Variants in STX8 observed in about 807,000 individuals in gnomAD.
STX8 encodes syntaxin 8.
Under a neutral mutation model 37.5 loss-of-function variants are expected in STX8, and 23 were observed. The observed-to-expected ratio is 0.61, with a 90% CI of 0.44 to 0.87. The LOEUF (loss-of-function observed/expected upper bound fraction) is 0.87, where lower values mean the gene tolerates loss of function less well. STX8 is among the 40% of genes least tolerant of loss of function. The pLI, the probability that STX8 is intolerant of heterozygous loss-of-function variation, is 0.00. For missense variants in STX8, 313 were observed against 284.7 expected (o/e 1.10, Z -0.71); for synonymous variants, 115 against 99.1 (o/e 1.16, Z -0.95).
chr17:9,448,886 T>G (rs1468731456), intron 6 of STX8, among the ~76,000 whole-genome samples: 2 of 152,120 alleles, frequency 1.3e-5, no homozygotes, highest in Non-Finnish European at 2.9e-5. Flanking sequence ...AAGACAGATG[T>G]TTTTGCTTTT....
At chr17:9,433,550 T>C (rs1359866457) in intron 6 of STX8, among the ~76,000 whole-genome samples, 3 of 152,222 alleles carry the variant, frequency 2.0e-5, no homozygotes, top group Non-Finnish European at 4.4e-5. Flanking sequence ...ATTGTGATGA[T>C]GGTTTCATGG....
intron 6 of STX8, among the ~76,000 whole-genome samples, chr17:9,461,684 T>A (rs1358243395): frequency 6.6e-6 from 1 of 152,046 alleles, no homozygotes. Context: ...CATGGACTAG[T>A]GGGTGGGGGG....
chr17:9,388,413 C>T (rs1486547105), intron 6 of STX8, among the ~76,000 whole-genome samples: 4 of 151,688 alleles, frequency 2.6e-5, no homozygotes, highest in Non-Finnish European at 4.4e-5. Flanking sequence ...TATTCAATAG[C>T]AGTTTATAAA....
chr17:9,458,249 A>G (rs970339490), intron 6 of STX8, among the ~76,000 whole-genome samples: 2 of 152,040 alleles, frequency 1.3e-5, no homozygotes, highest in Non-Finnish European at 2.9e-5. Flanking sequence ...TCCTGGGCTC[A>G]CGCCATTCTC....
intron 6 of STX8, among the ~76,000 whole-genome samples, chr17:9,406,086 G>C (rs1485625808): frequency 6.6e-6 from 1 of 152,178 alleles, no homozygotes; most frequent in Non-Finnish European, 1.5e-5. Context: ...ACGGCTTCAT[G>C]TATTTCCTTT....
chr17:9,446,859 G>A (rs7219473), intron 6 of STX8, among the ~76,000 whole-genome samples: 106,285 of 152,084 alleles, frequency 0.7, 37,197 homozygotes, highest in Middle Eastern at 0.79. Flanking sequence ...TTGTAACAAT[G>A]TATGAAGAGA....
At chr17:9,402,372 C>T (rs917581283) in intron 6 of STX8, among the ~76,000 whole-genome samples, 6 of 152,128 alleles carry the variant, frequency 3.9e-5, no homozygotes, top group African/African-American at 1.4e-4. Flanking sequence ...CTGCCCGCCT[C>T]GGCCTCCCAA....
chr17:9,398,577 T>C (rs929617181), intron 6 of STX8, among the ~76,000 whole-genome samples: 10 of 152,174 alleles, frequency 6.6e-5, no homozygotes, highest in African/African-American at 2.4e-4. Flanking sequence ...TGATAATATA[T>C]CAATATCGGC....
At chr17:9,395,538 A>C (rs1309127464) in intron 6 of STX8, among the ~76,000 whole-genome samples, 1 of 152,198 alleles carries the variant, frequency 6.6e-6, no homozygotes, top group Non-Finnish European at 1.5e-5. Flanking sequence ...AGATCGCACC[A>C]CTGCACTCCA....
chr17:9,311,253 AGAG>A (rs1258784392), intron 7 of STX8, among the ~76,000 whole-genome samples: 11 of 151,478 alleles, frequency 7.3e-5, no homozygotes, highest in South Asian at 2.1e-4. Context: ...AAAAAAAAAA[AGAG>A]GAGAAGTCAG....
At chr17:9,316,886 G>T (rs1909399668) in intron 7 of STX8, among the ~76,000 whole-genome samples, 1 of 152,160 alleles carries the variant, frequency 6.6e-6, no homozygotes, top group South Asian at 2.1e-4. Flanking sequence ...TTAAATTACA[G>T]GACATCTAAT....
intron 6 of STX8, among the ~76,000 whole-genome samples, chr17:9,379,824 C>T (rs988326173): frequency 4.6e-5 from 7 of 151,950 alleles, no homozygotes; most frequent in Non-Finnish European, 1.0e-4. Context: ...CAAAATTAAT[C>T]GGTCATGGTG....
chr17:9,517,788 T>TAAAAAAAAAAAAA, intron 4 of STX8, among the ~76,000 whole-genome samples: 1 of 98,734 alleles, frequency 1.0e-5, no homozygotes, highest in Middle Eastern at 5.6e-3. Context: ...ACCCCTATTG[T>TAAAAAAAAAAAAA]AAAAAAAAAA....
At chr17:9,341,029 A>AT (rs1910339450) in intron 7 of STX8, among the ~76,000 whole-genome samples, 1 of 148,102 alleles carries the variant, frequency 6.8e-6, no homozygotes, top group Non-Finnish European at 1.5e-5. Flanking sequence ...TTATATATAT[A>AT]AATTATAAAT....
intron 6 of STX8, among the ~76,000 whole-genome samples, chr17:9,398,886 T>C (rs866354372): frequency 1.3e-5 from 2 of 152,118 alleles, no homozygotes; most frequent in South Asian, 2.1e-4. Flanking sequence ...CTGTCTCTAC[T>C]AAAAGTACAA....
chr17:9,515,416 T>G (rs1422953567), intron 4 of STX8, among the ~76,000 whole-genome samples: 1 of 152,210 alleles, frequency 6.6e-6, no homozygotes, highest in Non-Finnish European at 1.5e-5. Context: ...GTCTCAAGTA[T>G]ACTAATTAGC....
chr17:9,558,252 C>T (rs1471145816), intron 2 of STX8, among the ~76,000 whole-genome samples: 1 of 152,188 alleles, frequency 6.6e-6, no homozygotes, highest in Non-Finnish European at 1.5e-5. Context: ...CGGATGAAAT[C>T]AGACATATGT....
intron 5 of STX8, among the ~76,000 whole-genome samples, chr17:9,497,041 A>T (rs907598186): frequency 4.6e-5 from 7 of 152,216 alleles, no homozygotes; most frequent in East Asian, 1.9e-4. Flanking sequence ...ATCATTTTTT[A>T]AAAATCCCCT....
At chr17:9,262,370 T>C (rs1490984273) in intron 7 of STX8, among the ~76,000 whole-genome samples, 2 of 152,058 alleles carry the variant, frequency 1.3e-5, no homozygotes, top group East Asian at 1.9e-4. Context: ...CTGAGCACAA[T>C]TGGGGTTCAG....
Sources: allele counts gnomAD v4.1 joint callset (sites outside exome capture counted in the v4.1 genomes callset), GRCh38; gene constraint gnomAD v4.1.1; transcripts MANE v1.5; gene names NCBI Gene and HGNC (gene_info 2026-07-23, HGNC 2026-07-21).